FBXO42: variants seen among roughly 807,000 people sequenced by gnomAD.
FBXO42 encodes the protein F-box protein 42, also known as F-box only protein 42.
FBXO42 carries 12 observed loss-of-function variants against 71.7 expected under a neutral mutation model. The ratio of observed to expected loss-of-function variants is 0.17; its 90% CI spans 0.11 to 0.27. The LOEUF (loss-of-function observed/expected upper bound fraction) is 0.27, where lower values mean the gene tolerates loss of function less well. Ranked by LOEUF, FBXO42 falls within the 10% of genes least tolerant of loss-of-function variation. The pLI is 1.00. For synonymous variants in FBXO42, 325 were observed against 327.5 expected (o/e 0.99, Z 0.08); for missense variants, 707 against 911.9 (o/e 0.78, Z 2.89).
chr1:16,311,487 CA>C (rs138051911), intron 2 of FBXO42, among the ~76,000 whole-genome samples: 1,724 of 110,652 alleles, frequency 0.016, 16 homozygotes, highest in African/African-American at 0.035. Context: ...GATCTTGTCT[CA>C]AAAAAAAAAA....
rs116745244 is a variant in FBXO42, at chr1:16,318,141, C to A, written c.-17-2706G>T. Among the ~76,000 whole-genome samples the A allele has an allele frequency of 8.2e-3, 1,251 of 152,154 alleles. 11 individuals carry two copies. Among genetic ancestry groups the A allele is most frequent in the African/African-American group, 0.029 (1,190 of 41,506 alleles). ...CTCTAAAGTTTGTCAAAATACTGGCCGGGTGCAGTGGCTCATGCTGTAATC... is the reference window on the plus strand; with the variant it reads ...CTCTAAAGTTTGTCAAAATACTGGCAGGGTGCAGTGGCTCATGCTGTAATC... On this transcript the variant is annotated intron_variant, in intron 1 of 9. Coordinates refer to ENST00000375592, the MANE Select transcript of FBXO42 (RefSeq NM_018994.3).
Position 16,255,690 on chromosome 1 carries a change from G to A in FBXO42, c.767+21C>T, listed in dbSNP as rs931935169. ...GAGTATTTACCTTCAGGCTCATATG[G>A]AGCAAACCAAATGTACTTACATTTG... On this transcript the variant is annotated intron_variant, in intron 6 of 9. Transcript: ENST00000375592. 3.1e-6 allele frequency: 5 copies of A among 1,600,824 alleles called. No homozygotes were observed. The African/African-American group carries it at 4.0e-5, about 13-fold the overall frequency.
chr1:16,316,406 T>A (rs1322002596), intron 1 of FBXO42, among the ~76,000 whole-genome samples: 3 of 152,008 alleles, frequency 2.0e-5, no homozygotes, highest in Non-Finnish European at 4.4e-5. Flanking sequence ...TTTATAGCAT[T>A]CTGTTTTTAA....
At chr1:16,338,551 C>A (rs1213399241) in intron 1 of FBXO42, among the ~76,000 whole-genome samples, 1 of 152,008 alleles carries the variant, frequency 6.6e-6, no homozygotes, top group Non-Finnish European at 1.5e-5. Flanking sequence ...TGACTCTAGC[C>A]TTTTGCCTCA....
At chr1:16,289,366 C>T (rs946291693) in intron 4 of FBXO42, among the ~76,000 whole-genome samples, 1 of 151,600 alleles carries the variant, frequency 6.6e-6, no homozygotes, top group Non-Finnish European at 1.5e-5. Context: ...TATGATTGTG[C>T]CACTGCACTC....
At chr1:16,327,943 C>T (rs1166501748) in intron 1 of FBXO42, among the ~76,000 whole-genome samples, 4 of 152,114 alleles carry the variant, frequency 2.6e-5, no homozygotes, top group African/African-American at 9.7e-5. Context: ...TCAAGTGATC[C>T]GCCCACCTTG....
At chr1:16,295,927 G>C (rs2082124768) in intron 3 of FBXO42, among the ~76,000 whole-genome samples, 1 of 152,142 alleles carries the variant, frequency 6.6e-6, no homozygotes, top group Admixed American at 6.6e-5. Context: ...ATGCTGGTTG[G>C]AGCCGACTAG....
intron 3 of FBXO42, among the ~76,000 whole-genome samples, chr1:16,297,675 C>T (rs543877789): frequency 6.7e-6 from 1 of 150,180 alleles, no homozygotes; most frequent in East Asian, 2.0e-4. Context: ...TCCTGGCTAA[C>T]ACAGTGGAAA....
At chr1:16,348,631 G>T (rs541293164) in intron 1 of FBXO42, among the ~76,000 whole-genome samples, 2 of 152,266 alleles carry the variant, frequency 1.3e-5, no homozygotes, top group East Asian at 3.9e-4. Context: ...AACCCGGGAG[G>T]TAGAGGTTAC....
intron 2 of FBXO42, among the ~76,000 whole-genome samples, chr1:16,314,350 A>G (rs1287671139): frequency 1.3e-5 from 2 of 152,240 alleles, no homozygotes; most frequent in African/African-American, 4.8e-5. Context: ...TGCTAAAAGT[A>G]GCTACTCAGA....
intron 1 of FBXO42, among the ~76,000 whole-genome samples, chr1:16,319,585 G>C (rs555678878): frequency 1.3e-5 from 2 of 152,152 alleles, no homozygotes; most frequent in Non-Finnish European, 2.9e-5. Flanking sequence ...GCAGAGAAGA[G>C]TATTATAATG....
At chr1:16,333,828 T>C (rs757222100) in intron 1 of FBXO42, among the ~76,000 whole-genome samples, 4 of 152,202 alleles carry the variant, frequency 2.6e-5, no homozygotes, top group Non-Finnish European at 5.9e-5. Flanking sequence ...GGTAGTGTTA[T>C]GGCTGAAAAC....
At chr1:16,341,378 G>A (rs2100633120) in intron 1 of FBXO42, among the ~76,000 whole-genome samples, 1 of 152,226 alleles carries the variant, frequency 6.6e-6, no homozygotes, top group South Asian at 2.1e-4. Flanking sequence ...GAGGCGGGCA[G>A]ATCATGAGGT....
chr1:16,248,284 C>T lies in FBXO42; in HGVS notation c.*2386G>A, dbSNP rs1308016391. ...CACGCCCACAGTGCCCAGGAGCTAC[C>T]AAGACCAACCATAATGGGGGCAGAC... On this transcript the variant is annotated 3_prime_UTR_variant, in exon 10 of 10. Transcript: ENST00000375592. 6.6e-6 allele frequency: 1 copy of T among 152,102 alleles called. No individual in the cohort carries two copies. Among genetic ancestry groups the T allele is most frequent in the Non-Finnish European group, 1.5e-5 (1 of 68,028 alleles). The allele number at this position is 152,102 out of a possible 1,614,324, so 9.4% of individuals were successfully genotyped here.
At chr1:16,283,277 C>T (rs1482471532) in intron 4 of FBXO42, among the ~76,000 whole-genome samples, 1 of 152,040 alleles carries the variant, frequency 6.6e-6, no homozygotes, top group Non-Finnish European at 1.5e-5. Context: ...GTGCATTTTT[C>T]TAAAACAAAG....
In FBXO42 at chr1:16,250,888, T is replaced by C; in HGVS notation, c.1936A>G (p.Met646Val). 6.2e-7 allele frequency: 1 copy of C among 1,614,128 alleles called. No individual in the cohort carries two copies. Among genetic ancestry groups the C allele is most frequent in the African/African-American group, 1.3e-5 (1 of 75,012 alleles). Residue 646 changes from methionine (M) to valine (V), a missense_variant, in exon 10 of 10, where the codon ATG becomes GTG. Physicochemically the swap from Met to Val is conservative, Grantham distance 21 (BLOSUM62 1). This residue lies in a region of FBXO42 where 482 missense variants were observed against 587.1 expected (regional missense o/e 0.82). Coordinates refer to ENST00000375592, the MANE Select transcript of FBXO42 (RefSeq NM_018994.3). This position sits in a 1 kb window ranked among gnomAD's most constrained non-coding sequence, Gnocchi z 4.7. ...GTGTCTTTAATGTCCAGCACGTACA[T>C]CTGCATGGGCTTGCAGTTCATACTC... is the stretch of plus-strand genomic sequence containing the variant. The part of the protein sequence containing the change: ...YQSMNCKPMQ[M>V]YVLDIKDTKE...
intron 3 of FBXO42, among the ~76,000 whole-genome samples, chr1:16,302,511 A>G (rs1465196124): frequency 1.3e-5 from 2 of 151,968 alleles, no homozygotes; most frequent in Admixed American, 1.3e-4. Context: ...GGAAACTGCC[A>G]CCTTTTTTTC....
chr1:16,341,508 G>T (rs1051292307), intron 1 of FBXO42, among the ~76,000 whole-genome samples: 2 of 151,754 alleles, frequency 1.3e-5, no homozygotes, highest in African/African-American at 4.8e-5. Context: ...GCTGAGGCAG[G>T]AGAATCGCTT....
At position 16,247,100 on chromosome 1, in the gene FBXO42, A is replaced by G. The variant is rs2081541635; in HGVS notation, c.*3570T>C. On this transcript the variant is annotated 3_prime_UTR_variant, in exon 10 of 10. Transcript: ENST00000375592. The stretch of plus-strand genomic sequence containing the variant: ...ACCCTGGTTGGAGGGAGGGGAGCAG[A>G]GCAAGTAGAGTGTACAATGGAGCCA... 1 of 152,282 alleles carries G rather than the reference A, an allele frequency of 6.6e-6. No homozygotes were observed. The highest frequency in any genetic ancestry group is 1.5e-5 in the Non-Finnish European group (1 of 68,076). 9.4% of individuals were successfully genotyped at this position (152,282 alleles called of 1,614,324 possible). A position where few individuals can be genotyped will look rare whatever the true frequency, so the allele number is the denominator to read the frequency against.
Sources: gnomAD v4.1 joint callset for allele counts (sites outside exome capture counted in the v4.1 genomes callset) on GRCh38, gnomAD v4.1.1 for gene constraint, gnomAD v4.1.1 regional missense constraint, Gnocchi (gnomAD v3.1) non-coding constraint, MANE v1.5 for transcripts, NCBI Gene and HGNC (gene_info 2026-07-23, HGNC 2026-07-21) for gene names.